The following GULP1 variants were observed in gnomAD, a reference collection of about 807,000 sequenced individuals.
GULP1 encodes the protein PTB domain-containing engulfment adapter protein 1.
Under a neutral mutation model 40.9 loss-of-function variants are expected in GULP1, and 19 were observed. That is an observed-to-expected ratio of 0.46 (90% CI 0.32 to 0.68). The LOEUF (loss-of-function observed/expected upper bound fraction) is 0.68, where lower values mean the gene tolerates loss of function less well. Ranked by LOEUF, GULP1 falls within the 30% of genes least tolerant of loss-of-function variation. GULP1 has a pLI of 0.03. For synonymous variants in GULP1, 119 were observed against 117.6 expected (o/e 1.01, Z -0.08); for missense variants, 312 against 362.2 (o/e 0.86, Z 1.12).
intron 4 of GULP1, among the ~76,000 whole-genome samples, chr2:188,504,293 T>C (rs773730143): frequency 6.6e-6 from 1 of 151,896 alleles, no homozygotes; most frequent in Non-Finnish European, 1.5e-5. Context: ...CTGTAGAAAT[T>C]CATTGGGACT....
At chr2:188,565,096 A>G (rs966456593) in intron 7 of GULP1, among the ~76,000 whole-genome samples, 3 of 151,968 alleles carry the variant, frequency 2.0e-5, no homozygotes, top group African/African-American at 7.2e-5. Context: ...CTTATACGTA[A>G]CTTTCATTAA....
intron 10 of GULP1, among the ~76,000 whole-genome samples, chr2:188,586,736 T>C (rs1702453930): frequency 6.6e-6 from 1 of 152,130 alleles, no homozygotes; most frequent in Non-Finnish European, 1.5e-5. Context: ...GAATTTCACA[T>C]TTATTAACTT....
intron 1 of GULP1, among the ~76,000 whole-genome samples, chr2:188,358,467 T>TC (rs745911402): frequency 2.6e-5 from 4 of 152,140 alleles, no homozygotes; most frequent in Non-Finnish European, 5.9e-5. Context: ...TTGTGTATTT[T>TC]CAAATAGGTA....
intron 2 of GULP1, among the ~76,000 whole-genome samples, chr2:188,456,708 G>A (rs1470474832): frequency 6.6e-6 from 1 of 152,178 alleles, no homozygotes; most frequent in Non-Finnish European, 1.5e-5. Context: ...TAGTGGAGCT[G>A]TGAGAAGAGT....
chr2:188,362,385 C>A (rs1054015553), intron 1 of GULP1, among the ~76,000 whole-genome samples: 3 of 152,010 alleles, frequency 2.0e-5, no homozygotes, highest in African/African-American at 7.2e-5. Context: ...TAGTGTTTTT[C>A]AGAACTCATT....
At chr2:188,453,805 C>A (rs1376100205) in intron 2 of GULP1, among the ~76,000 whole-genome samples, 1 of 152,090 alleles carries the variant, frequency 6.6e-6, no homozygotes, top group African/African-American at 2.4e-5. Flanking sequence ...AAACAAAGAC[C>A]AGAAATACGA....
intron 1 of GULP1, chr2:188,297,529 A>G: frequency 2.1e-6 from 1 of 472,196 alleles, no homozygotes; most frequent in Non-Finnish European, 4.4e-6. Context: ...CAAGGATCTT[A>G]AACTTTGCCA....
intron 2 of GULP1, among the ~76,000 whole-genome samples, chr2:188,427,447 G>A (rs895497445): frequency 8.5e-5 from 13 of 152,222 alleles, no homozygotes; most frequent in Non-Finnish European, 1.6e-4. Flanking sequence ...TTACAGGCAT[G>A]GGGACCTAGG....
chr2:188,588,966 T>TAA (rs1440194642), intron 11 of GULP1: 1 of 152,140 alleles, frequency 6.6e-6, no homozygotes, highest in Non-Finnish European at 1.5e-5. Flanking sequence ...TGCCTGAATT[T>TAA]AAAAGTTGAA....
chr2:188,455,391 A>G (rs1029831561), intron 2 of GULP1, among the ~76,000 whole-genome samples: 3 of 152,098 alleles, frequency 2.0e-5, no homozygotes, highest in Non-Finnish European at 1.5e-5. Flanking sequence ...CCCATGTGTC[A>G]TGGGAATTAT....
At chr2:188,593,565 T>G (rs1298651155) in intron 11 of GULP1, 1 of 153,716 alleles carries the variant, frequency 6.5e-6, no homozygotes, top group Non-Finnish European at 1.4e-5. Flanking sequence ...TCTCATCAAT[T>G]TGAAGCCTAA....
Position 188,469,229 on chromosome 2 carries a change from G to A in GULP1, c.-44-8430G>A, listed in dbSNP as rs530387569. On this transcript the variant is annotated intron_variant, in intron 2 of 11. Coordinates refer to ENST00000409830, the MANE Select transcript of GULP1 (RefSeq NM_016315.4). ...TTTATGAAGGAAATAATGGCATTTT[G>A]GAGGTCTAGGCCTGGCCTTGTCATA... Among the ~76,000 whole-genome samples the A allele has an allele frequency of 1.6e-3, 240 of 152,282 alleles. 2 individuals are homozygous for A. The highest frequency in any genetic ancestry group is 5.2e-3 in the African/African-American group (218 of 41,558).
At position 188,498,201 on chromosome 2, in the gene GULP1, A is replaced by C. The variant is rs915539357; in HGVS notation, c.90+14709A>C. Among the ~76,000 whole-genome samples the C allele has an allele frequency of 1.1e-4, 17 of 151,904 alleles. No homozygotes were observed. In the South Asian group the frequency reaches 3.5e-3, roughly 31 times the overall value. ...AGAGACATACCAGAACTTGACACTA[A>C]ATTAGAAAGTTTACCGGTTCAGTGT... On this transcript the variant is annotated intron_variant, in intron 4 of 11. Transcript: ENST00000409830.
chr2:188,429,772 G>A (rs1052051626), intron 2 of GULP1, among the ~76,000 whole-genome samples: 5 of 151,654 alleles, frequency 3.3e-5, no homozygotes, highest in African/African-American at 9.7e-5. Flanking sequence ...GCAGTGGCGC[G>A]ATCTCTGCTC....
chr2:188,448,714 C>T (rs1480207388), intron 2 of GULP1, among the ~76,000 whole-genome samples: 1 of 152,022 alleles, frequency 6.6e-6, no homozygotes, highest in African/African-American at 2.4e-5. Flanking sequence ...AAAGGTAATC[C>T]CCAATTTTGG....
intron 1 of GULP1, among the ~76,000 whole-genome samples, chr2:188,304,044 G>A (rs1172943702): frequency 6.6e-6 from 1 of 152,136 alleles, no homozygotes; most frequent in African/African-American, 2.4e-5. Flanking sequence ...CATTCTTGTG[G>A]GTTTTTGAAT....
At chr2:188,353,896 G>T (rs747378751) in intron 1 of GULP1, among the ~76,000 whole-genome samples, 7 of 151,898 alleles carry the variant, frequency 4.6e-5, no homozygotes, top group Non-Finnish European at 8.8e-5. Context: ...TGGTGCCTTG[G>T]CCAAGCAGAG....
chr2:188,563,556 C>A (rs866695344), intron 7 of GULP1, among the ~76,000 whole-genome samples: 60 of 148,886 alleles, frequency 4.0e-4, no homozygotes, highest in Middle Eastern at 7.1e-3. Context: ...TTTTTTTTAT[C>A]TTTTTTTTAT....
intron 1 of GULP1, among the ~76,000 whole-genome samples, chr2:188,314,025 A>G (rs2038653339): frequency 6.6e-6 from 1 of 151,910 alleles, no homozygotes; most frequent in Non-Finnish European, 1.5e-5. Flanking sequence ...AAATACATAT[A>G]AAATAAAGTA....
Sources: gnomAD v4.1 joint callset for allele counts (sites outside exome capture counted in the v4.1 genomes callset) on GRCh38, gnomAD v4.1.1 for gene constraint, MANE v1.5 for transcripts, NCBI Gene and HGNC (gene_info 2026-07-23, HGNC 2026-07-21) for gene names.